Variants in RD3 observed in about 807,000 individuals in gnomAD.
The protein encoded by RD3 is RD3 regulator of GUCY2D, also known as protein RD3.
In RD3, 11 loss-of-function variants were observed where a neutral mutation model predicts 16.9. The ratio of observed to expected loss-of-function variants is 0.65; its 90% CI spans 0.41 to 1.08. The LOEUF is 1.08. RD3 is among the 50% of genes least tolerant of loss of function. The pLI is 0.00. For missense variants in RD3, 274 were observed against 267.4 expected (o/e 1.02, Z -0.17); for synonymous variants, 116 against 114.8 (o/e 1.01, Z -0.07).
At chr1:211,481,481 G>T in intron 1 of RD3, 55 bp from the exon 2 acceptor site, 1 of 1,549,142 alleles carries the variant, frequency 6.5e-7, no homozygotes, top group Non-Finnish European at 8.8e-7. Flanking sequence ...TAGTCAGAGT[G>T]GGGAACCTGG....
chr1:211,480,145 C>G (rs185702124), intron 2 of RD3, among the ~76,000 whole-genome samples: 3 of 152,078 alleles, frequency 2.0e-5, no homozygotes, highest in Non-Finnish European at 2.9e-5. Context: ...GACCCACCCC[C>G]GTCCCCAGGT....
chr1:211,492,064 T>C lies in RD3; in HGVS notation c.-308A>G, dbSNP rs1442503369. The C allele has an allele frequency of 6.5e-6, 1 of 152,674 alleles. No individual in the cohort carries two copies. Among genetic ancestry groups the C allele is most frequent in the Admixed American group, 6.6e-5 (1 of 15,144 alleles). 9.5% of individuals were successfully genotyped at this position (152,674 alleles called of 1,614,324 possible). A position where few individuals can be genotyped will look rare whatever the true frequency, so the allele number is the denominator to read the frequency against. On this transcript the variant is annotated 5_prime_UTR_variant, in exon 1 of 3. Coordinates refer to ENST00000680073, the MANE Select transcript of RD3 (RefSeq NM_001164688.2). ...GGGTGTGTAGGTGTGTGTGTGTGTG[T>C]GTGTGTGTGTGTGTGTGTGTGTGTG... is the stretch of plus-strand genomic sequence containing the variant.
Position 211,479,004 on chromosome 1 carries a change from G to A in RD3, c.*32C>T. On this transcript the variant is annotated 3_prime_UTR_variant, in exon 3 of 3. Coordinates refer to ENST00000680073, the MANE Select transcript of RD3 (RefSeq NM_001164688.2). ...CCGGCCTATCATTCCCCCTGCAGAAGGCTCCGCTTCTGGGCAGGGAAGCGG... is the reference window on the plus strand; with the variant it reads ...CCGGCCTATCATTCCCCCTGCAGAAAGCTCCGCTTCTGGGCAGGGAAGCGG... The A allele has an allele frequency of 6.4e-7, 1 of 1,565,178 alleles. No individual in the cohort carries two copies. Among genetic ancestry groups the A allele is most frequent in the Non-Finnish European group, 8.6e-7 (1 of 1,158,846 alleles).
rs370045355 is a variant in RD3, at chr1:211,479,037, C to G, written c.587G>C (p.Ter196SerextTer20). ...MPEFRAPKAD[*>S] ...TTCTGGGCAGGGAAGCGGCCGGGGT[C>G]AGTCGGCTTTGGGCGCCCGGAATTC... is the stretch of plus-strand genomic sequence containing the variant. The change falls in exon 3 of 3, where the codon TGA becomes TCA. Residue 196 changes from the stop codon to serine (S), a stop_lost. Coordinates refer to ENST00000680073, the MANE Select transcript of RD3 (RefSeq NM_001164688.2). 17 of 1,596,414 alleles carry G rather than the reference C, an allele frequency of 1.1e-5. No individual in the cohort carries two copies. Among genetic ancestry groups the G allele is most frequent in the Non-Finnish European group, 1.4e-5 (17 of 1,173,636 alleles).
At chr1:211,485,325 C>T (rs1323347269) in intron 1 of RD3, among the ~76,000 whole-genome samples, 1 of 152,206 alleles carries the variant, frequency 6.6e-6, no homozygotes, top group African/African-American at 2.4e-5. Flanking sequence ...CATCCCCTCA[C>T]TTCCCGCAAC....
intron 1 of RD3, among the ~76,000 whole-genome samples, chr1:211,489,179 C>T (rs1380239667): frequency 6.6e-6 from 1 of 152,158 alleles, no homozygotes; most frequent in Non-Finnish European, 1.5e-5. Context: ...TTTTTATAAA[C>T]TAACAATAAG....
chr1:211,488,165 C>T (rs897516424), intron 1 of RD3, among the ~76,000 whole-genome samples: 1 of 152,218 alleles, frequency 6.6e-6, no homozygotes. Flanking sequence ...TATGTGAAAA[C>T]ATTCAGTAAA....
chr1:211,479,178 C>G lies in RD3; in HGVS notation c.446G>C (p.Ser149Thr), dbSNP rs371097322. 4.3e-6 allele frequency: 7 copies of G among 1,612,782 alleles called. No individual in the cohort carries two copies. Among genetic ancestry groups the G allele is most frequent in the Non-Finnish European group, 5.9e-6 (7 of 1,179,588 alleles). Residue 149 changes from serine to threonine, a missense_variant, in exon 3 of 3, where the codon AGC becomes ACC. By Grantham distance (58) the Ser-to-Thr change is moderately conservative. Coordinates refer to ENST00000680073, the MANE Select transcript of RD3 (RefSeq NM_001164688.2). The part of the protein sequence containing the change: ...TRQWSLRPRG[S>T]LATFKTRARI... ...CGCGCGGGTCTTGAAGGTGGCCAGG[C>G]TGCCGCGGGGCCGCAGGCTCCACTG... is the stretch of plus-strand genomic sequence containing the variant.
chr1:211,483,694 T>G (rs1237355003), intron 1 of RD3, among the ~76,000 whole-genome samples: 4 of 132,390 alleles, frequency 3.0e-5, no homozygotes, highest in Admixed American at 7.7e-5. Flanking sequence ...GGGGTGGGAG[T>G]GCAGGGGTGG....
At chr1:211,487,205 C>T (rs1329803629) in intron 1 of RD3, among the ~76,000 whole-genome samples, 2 of 152,114 alleles carry the variant, frequency 1.3e-5, no homozygotes, top group East Asian at 3.9e-4. Flanking sequence ...CTGAACAGAC[C>T]CTCTCCCAGG....
intron 1 of RD3, among the ~76,000 whole-genome samples, chr1:211,481,796 G>C (rs1230328460): frequency 6.6e-6 from 1 of 151,784 alleles, no homozygotes; most frequent in African/African-American, 2.4e-5. Flanking sequence ...CTATGGCTGA[G>C]CACAAGCTTT....
rs1705249545 is a variant in RD3, at chr1:211,481,205, A to C, written c.211T>G (p.Tyr71Asp). 1.2e-6 allele frequency: 2 copies of C among 1,614,272 alleles called. No individual in the cohort carries two copies. Among genetic ancestry groups the C allele is most frequent in the South Asian group, 2.2e-5 (2 of 91,090 alleles). The change falls in exon 2 of 3, where the codon TAT becomes GAT. Residue 71 changes from tyrosine to aspartate, a missense_variant. Physicochemically the swap from Tyr to Asp is radical, Grantham distance 160. Transcript: ENST00000680073. The stretch of plus-strand genomic sequence containing the variant: ...AACCGCTCAATGGGGCTGAGGTCAT[A>C]GGTGGACCGGGGTGTGCTGGCCAGC... ...SWLASTPRST[Y>D]DLSPIERLQL...
At chr1:211,482,806 G>A (rs540155553) in intron 1 of RD3, among the ~76,000 whole-genome samples, 2 of 151,818 alleles carry the variant, frequency 1.3e-5, no homozygotes, top group Non-Finnish European at 2.9e-5. Flanking sequence ...TCTTCGAGGG[G>A]TCTCACTTCA....
At chr1:211,483,901 G>A (rs988850443) in intron 1 of RD3, among the ~76,000 whole-genome samples, 5 of 152,214 alleles carry the variant, frequency 3.3e-5, no homozygotes, top group African/African-American at 4.8e-5. Context: ...AGAGCACTGC[G>A]AGCATGCGGA....
rs777005487 is a variant in RD3, at chr1:211,479,084, T to C, written c.540A>G (p.Pro180=). 4.0e-5 allele frequency: 65 copies of C among 1,610,406 alleles called. No homozygotes were observed. Among genetic ancestry groups the C allele is most frequent in the Non-Finnish European group, 5.3e-5 (63 of 1,179,268 alleles). Residue 180 remains proline (P), a synonymous_variant, in exon 3 of 3, where the codon CCA becomes CCG. Transcript: ENST00000680073. ...SEDVERDTPP[P]LRSWSMPEFR... is the part of the protein sequence containing the mutation. ...ATTCGGGCATGCTCCAGGACCGCAGTGGCGGCGGTGTGTCCCGCTCCACGT... is the reference window on the plus strand; with the variant it reads ...ATTCGGGCATGCTCCAGGACCGCAGCGGCGGCGGTGTGTCCCGCTCCACGT...
intron 1 of RD3, among the ~76,000 whole-genome samples, chr1:211,484,864 C>T (rs1313177489): frequency 1.3e-5 from 2 of 152,238 alleles, no homozygotes; most frequent in Admixed American, 1.3e-4. Context: ...TGCAACCAGC[C>T]ACCTCTGTGC....
At position 211,485,534 on chromosome 1, in the gene RD3, C is replaced by A. The variant is rs975417999; in HGVS notation, c.-11-4108G>T. Among the ~76,000 whole-genome samples the A allele has an allele frequency of 2.6e-5, 4 of 152,162 alleles. No individual in the cohort carries two copies. The East Asian group carries it at 7.7e-4, about 29-fold the overall frequency. On this transcript the variant is annotated intron_variant, in intron 1 of 2. Coordinates refer to ENST00000680073, the MANE Select transcript of RD3 (RefSeq NM_001164688.2). ...CAGGCTAGACAGACTCCAGAGGGGGCTGCCTTATCCCAGGGTATCCCCAGA... is the reference window on the plus strand; with the variant it reads ...CAGGCTAGACAGACTCCAGAGGGGGATGCCTTATCCCAGGGTATCCCCAGA...
At chr1:211,491,503 T>G (rs1323658011) in intron 1 of RD3, among the ~76,000 whole-genome samples, 2 of 151,914 alleles carry the variant, frequency 1.3e-5, no homozygotes, top group Admixed American at 1.3e-4. Flanking sequence ...TCCCACAGGT[T>G]TACAAAACAA....
At chr1:211,487,067 G>C (rs376741031) in intron 1 of RD3, among the ~76,000 whole-genome samples, 1 of 152,138 alleles carries the variant, frequency 6.6e-6, no homozygotes, top group Non-Finnish European at 1.5e-5. Context: ...AAGAAGCCTC[G>C]TGGTCTCTCT....
Sources: gnomAD v4.1 joint callset for allele counts (sites outside exome capture counted in the v4.1 genomes callset) on GRCh38, gnomAD v4.1.1 for gene constraint, MANE v1.5 for transcripts, NCBI Gene and HGNC (gene_info 2026-07-23, HGNC 2026-07-21) for gene names.